Variants in NSD3 observed in about 807,000 individuals in gnomAD.
NSD3 encodes nuclear receptor binding SET domain protein 3, also known as histone-lysine N-methyltransferase NSD3.
In NSD3, 24 loss-of-function variants were observed where a neutral mutation model predicts 160.8. The ratio of observed to expected loss-of-function variants is 0.15; its 90% CI spans 0.11 to 0.21. The LOEUF (loss-of-function observed/expected upper bound fraction) is 0.21, where lower values mean the gene tolerates loss of function less well. NSD3 is among the 10% of genes least tolerant of loss of function. The probability of loss-of-function intolerance (pLI) is 1.00; values close to 1 mark genes in which losing one functional copy is unlikely to be tolerated. For missense variants in NSD3, 1,157 were observed against 1,735.9 expected (o/e 0.67, Z 5.93); for synonymous variants, 520 against 600.0 (o/e 0.87, Z 1.95).
intron 1 of NSD3, among the ~76,000 whole-genome samples, chr8:38,381,149 C>T (rs1811540038): frequency 6.6e-6 from 1 of 152,138 alleles, no homozygotes. Flanking sequence ...CCCACTCTGA[C>T]GCTAAGTCGA....
chr8:38,302,669 C>T (rs1340506477), intron 14 of NSD3, among the ~76,000 whole-genome samples: 1 of 152,168 alleles, frequency 6.6e-6, no homozygotes, highest in Non-Finnish European at 1.5e-5. Context: ...AATTTTCTAG[C>T]TGTCCTAAAT....
intron 12 of NSD3, among the ~76,000 whole-genome samples, chr8:38,311,760 C>T (rs374886619): frequency 2.2e-4 from 33 of 152,042 alleles, no homozygotes; most frequent in African/African-American, 7.7e-4. Context: ...TTGATAAGAC[C>T]CTTTGGTGTA....
At chr8:38,300,237 T>C (rs981047421) in intron 14 of NSD3, among the ~76,000 whole-genome samples, 1 of 152,108 alleles carries the variant, frequency 6.6e-6, no homozygotes, top group Non-Finnish European at 1.5e-5. Context: ...TCATGGCTCA[T>C]TGCACCTTTG....
intron 1 of NSD3, among the ~76,000 whole-genome samples, chr8:38,376,310 A>G (rs1811385453): frequency 6.6e-6 from 1 of 152,210 alleles, no homozygotes; most frequent in African/African-American, 2.4e-5. Flanking sequence ...GGTGAATAAA[A>G]TATGAAAAAA....
intron 4 of NSD3, 121 bp downstream of exon 4, chr8:38,337,184 G>A: frequency 1.1e-6 from 1 of 917,914 alleles, no homozygotes; most frequent in South Asian, 3.8e-5. Flanking sequence ...AACTGATACG[G>A]ATATGCACAT....
At chr8:38,339,010 C>T (rs775413119) in intron 2 of NSD3, among the ~76,000 whole-genome samples, 2 of 151,802 alleles carry the variant, frequency 1.3e-5, no homozygotes, top group African/African-American at 4.8e-5. Flanking sequence ...CATGGTGGCG[C>T]ATGCCTGTAG....
chr8:38,275,343 G>A lies in NSD3; in HGVS notation c.*298C>T. The stretch of plus-strand genomic sequence containing the variant: ...ATTAACAAAACTTACTTTTCTCTTT[G>A]TTCTTATTTTAACAGCAAAAACATT... On this transcript the variant is annotated 3_prime_UTR_variant, in exon 24 of 24. Transcript: ENST00000317025. 3.1e-6 allele frequency: 1 copy of A among 325,688 alleles called. No homozygotes were observed. The highest frequency in any genetic ancestry group is 5.6e-6 in the Non-Finnish European group (1 of 177,036). The allele number at this position is 325,688 out of a possible 1,614,324, so 20.2% of individuals were successfully genotyped here. A position where few individuals can be genotyped will look rare whatever the true frequency, so the allele number is the denominator to read the frequency against.
At chr8:38,341,165 C>T (rs1365150965) in intron 2 of NSD3, among the ~76,000 whole-genome samples, 1 of 151,918 alleles carries the variant, frequency 6.6e-6, no homozygotes, top group Admixed American at 6.6e-5. Context: ...AAAGTAAGTG[C>T]TAGGAAGAGA....
chr8:38,275,662 A>C lies in NSD3; in HGVS notation c.4293T>G (p.His1431Gln). 6.2e-7 allele frequency: 1 copy of C among 1,614,082 alleles called. No homozygotes were observed. The highest frequency in any genetic ancestry group is 1.3e-5 in the African/African-American group (1 of 75,060). Reference sequence around the variant, plus strand: ...ACATTTATTCTTTTACTTCTTCTCCATGATCTTGTGATTCCCATTTACATT... The same window carrying C: ...ACATTTATTCTTTTACTTCTTCTCCCTGATCTTGTGATTCCCATTTACATT... ...KIKCKWESQD[H>Q]GEEVKE Residue 1431 changes from histidine to glutamine, a missense_variant, in exon 24 of 24, where the codon CAT becomes CAG. By Grantham distance (24) the His-to-Gln change is conservative. Transcript: ENST00000317025.
intron 19 of NSD3, among the ~76,000 whole-genome samples, chr8:38,284,057 T>C (rs919573217): frequency 1.3e-5 from 2 of 152,128 alleles, no homozygotes; most frequent in Admixed American, 6.5e-5. Context: ...GAGCTGTGAC[T>C]GTACCACTGC....
chr8:38,357,904 T>C (rs1396438457), intron 1 of NSD3, among the ~76,000 whole-genome samples: 2 of 152,170 alleles, frequency 1.3e-5, no homozygotes, highest in East Asian at 3.8e-4. Context: ...GGTAATATCC[T>C]TGGTAAAATG....
chr8:38,321,128 A>C lies in NSD3; in HGVS notation c.1753T>G (p.Ser585Ala), dbSNP rs1207846846. The change falls in exon 8 of 24, where the codon TCT (serine) becomes GCT (alanine). Residue 585 changes from serine (S) to alanine (A), a missense_variant. Physicochemically the swap from Ser to Ala is moderately conservative, Grantham distance 99 (BLOSUM62 1). Around this residue, in one of 10 missense-constraint regions of NSD3, gnomAD observed 102 missense variants for 126.5 expected, o/e 0.81. Transcript: ENST00000317025. The surrounding 1 kb of genome is among the most constrained non-coding windows in gnomAD (Gnocchi z 4.7). ...KQQRRSIRTR[S>A]ESEKSTEVVP... Reference sequence around the variant, plus strand: ...ACCTCAGTGGATTTCTCTGATTCAGAACGAGTTCTAATTGATCTTCTCTGT... The same window carrying C: ...ACCTCAGTGGATTTCTCTGATTCAGCACGAGTTCTAATTGATCTTCTCTGT... The C allele has an allele frequency of 6.2e-7, 1 of 1,613,356 alleles. No individual in the cohort carries two copies. Among genetic ancestry groups the C allele is most frequent in the East Asian group, 2.2e-5 (1 of 44,838 alleles).
intron 1 of NSD3, chr8:38,363,801 T>C (rs1811044271): frequency 6.6e-6 from 1 of 152,148 alleles, no homozygotes; most frequent in African/African-American, 2.4e-5. Context: ...ATCTGTGTCG[T>C]TTTAAGCCAT....
intron 4 of NSD3, among the ~76,000 whole-genome samples, chr8:38,333,823 C>T (rs559322369): frequency 6.6e-6 from 1 of 152,080 alleles, no homozygotes; most frequent in South Asian, 2.1e-4. Flanking sequence ...GCCGAGATTG[C>T]GCCACTGCAG....
rs910372885 is a variant in NSD3 at position 38,288,838 on chromosome 8, G to A, written c.3232-82C>T. The A allele has an allele frequency of 2.0e-6, 3 of 1,531,542 alleles. No individual in the cohort carries two copies. The highest frequency in any genetic ancestry group is 2.7e-6 in the Non-Finnish European group (3 of 1,127,800). The allele number at this position is 1,531,542 out of a possible 1,614,324, so 94.9% of individuals were successfully genotyped here. A position where few individuals can be genotyped will look rare whatever the true frequency, so the allele number is the denominator to read the frequency against. On this transcript the variant is annotated intron_variant, in intron 18 of 23. Transcript: ENST00000317025. This position sits in a 1 kb window ranked among gnomAD's most constrained non-coding sequence, Gnocchi z 4.5. ...GAACAGGAACATCTAAAACATCCAC[G>A]CTACTGCCTCGTGGTGCTACTCCGA...
chr8:38,300,355 G>A (rs1472741704), intron 14 of NSD3, among the ~76,000 whole-genome samples: 1 of 151,946 alleles, frequency 6.6e-6, no homozygotes, highest in Middle Eastern at 3.2e-3. Context: ...TAGAGATGGG[G>A]TCTATAATAG....
chr8:38,276,719 C>T (rs757921396), intron 22 of NSD3: 1 of 553,044 alleles, frequency 1.8e-6, no homozygotes, highest in Admixed American at 3.2e-5. Flanking sequence ...AGTTCTCGCT[C>T]TGTTGTCCAG....
At chr8:38,296,704 G>GTA (rs960252249) in intron 15 of NSD3, among the ~76,000 whole-genome samples, 19 of 150,812 alleles carry the variant, frequency 1.3e-4, no homozygotes, top group Non-Finnish European at 2.4e-4. Context: ...GTGTGTGTGT[G>GTA]TGTGTGTGTG....
At chr8:38,292,865 G>A (rs2130996455) in intron 16 of NSD3, among the ~76,000 whole-genome samples, 1 of 152,238 alleles carries the variant, frequency 6.6e-6, no homozygotes, top group African/African-American at 2.4e-5. Context: ...CCAGCTACTT[G>A]GGAGGCTGAG....
Sources: allele counts gnomAD v4.1 joint callset (sites outside exome capture counted in the v4.1 genomes callset), GRCh38; gene constraint gnomAD v4.1.1; regional missense constraint gnomAD v4.1.1; non-coding constraint Gnocchi (gnomAD v3.1); transcripts MANE v1.5; gene names NCBI Gene and HGNC (gene_info 2026-07-23, HGNC 2026-07-21).